Variants in DPY19L2 observed in about 807,000 individuals in gnomAD.
DPY19L2 encodes the protein probable C-mannosyltransferase DPY19L2.
DPY19L2 carries 34 observed loss-of-function variants against 97.9 expected under a neutral mutation model. The observed-to-expected ratio is 0.35, with a 90% CI of 0.26 to 0.46. The LOEUF is 0.46. Among genes scored for constraint, DPY19L2 ranks in the 20% least tolerant of loss-of-function variants. The probability of loss-of-function intolerance (pLI) is 1.00; values close to 1 mark genes in which losing one functional copy is unlikely to be tolerated. For missense variants in DPY19L2, 623 were observed against 911.4 expected (o/e 0.68, Z 4.07); for synonymous variants, 230 against 307.9 (o/e 0.75, Z 2.65).
At chr12:63,633,911 T>C (rs1240191350) in intron 6 of DPY19L2, among the ~76,000 whole-genome samples, 2 of 152,072 alleles carry the variant, frequency 1.3e-5, no homozygotes, top group Non-Finnish European at 2.9e-5. Context: ...ACATCCTTTG[T>C]AGGGACATGG....
intron 6 of DPY19L2, among the ~76,000 whole-genome samples, chr12:63,636,345 G>A (rs1210253107): frequency 2.6e-5 from 4 of 152,098 alleles, no homozygotes; most frequent in African/African-American, 9.7e-5. Flanking sequence ...AAAGACCATC[G>A]ATGCTAGGAA....
At chr12:63,590,920 T>C (rs1163270419) in intron 16 of DPY19L2, 1 of 365,156 alleles carries the variant, frequency 2.7e-6, no homozygotes, top group Non-Finnish European at 5.6e-6. Context: ...TGAGTAATTA[T>C]CTTCCATCCA....
At chr12:63,633,517 C>A (rs1177105997) in intron 6 of DPY19L2, among the ~76,000 whole-genome samples, 3 of 152,124 alleles carry the variant, frequency 2.0e-5, no homozygotes, top group Non-Finnish European at 4.4e-5. Flanking sequence ...CAATGAGATA[C>A]CATCTCACAC....
chr12:63,656,735 T>C lies in DPY19L2; in HGVS notation c.588+4609A>G, dbSNP rs573991302. Among the ~76,000 whole-genome samples the C allele has an allele frequency of 3.7e-4, 57 of 152,276 alleles. 1 individual carries two copies. The highest frequency in any genetic ancestry group is 1.3e-3 in the African/African-American group (55 of 41,552). On this transcript the variant is annotated intron_variant, in intron 4 of 21. Transcript: ENST00000324472. ...GCTCTTAGATGTTCTATCATTTCCTTCCTCCACTTTTTTTTCTCTTTGCAT... is the reference window on the plus strand; with the variant it reads ...GCTCTTAGATGTTCTATCATTTCCTCCCTCCACTTTTTTTTCTCTTTGCAT...
intron 12 of DPY19L2, among the ~76,000 whole-genome samples, chr12:63,604,988 C>G (rs1885796170): frequency 6.6e-6 from 1 of 152,100 alleles, no homozygotes; most frequent in South Asian, 2.1e-4. Context: ...CAGACAGTCA[C>G]TTTGTTTTTA....
intron 6 of DPY19L2, among the ~76,000 whole-genome samples, chr12:63,640,421 AG>A (rs1426686993): frequency 6.6e-6 from 1 of 152,190 alleles, no homozygotes; most frequent in Non-Finnish European, 1.5e-5. Flanking sequence ...GATTGGAAGA[AG>A]GGGAAAGATA....
At chr12:63,638,144 G>A (rs1289449927) in intron 6 of DPY19L2, among the ~76,000 whole-genome samples, 5 of 152,046 alleles carry the variant, frequency 3.3e-5, no homozygotes, top group Admixed American at 2.6e-4. Context: ...AAAGGCCTTC[G>A]ACAAAATTCC....
intron 12 of DPY19L2, among the ~76,000 whole-genome samples, chr12:63,602,816 A>C (rs1459009059): frequency 4.6e-5 from 7 of 152,166 alleles, no homozygotes; most frequent in Non-Finnish European, 1.0e-4. Flanking sequence ...TCAAGTATAG[A>C]CGTTATTTAA....
intron 19 of DPY19L2, among the ~76,000 whole-genome samples, chr12:63,573,517 A>G (rs1879272896): frequency 6.6e-6 from 1 of 152,236 alleles, no homozygotes; most frequent in Non-Finnish European, 1.5e-5. Context: ...AGACAGCAGT[A>G]GGAAGTTTAT....
At chr12:63,562,854 G>A (rs11536199) in intron 21 of DPY19L2, among the ~76,000 whole-genome samples, 6,316 of 148,434 alleles carry the variant, frequency 0.043, 244 homozygotes, top group East Asian at 0.14. Context: ...GGAGTGCAAC[G>A]GCACAATCTT....
chr12:63,614,050 C>T (rs946626418), intron 11 of DPY19L2, among the ~76,000 whole-genome samples: 4 of 151,556 alleles, frequency 2.6e-5, no homozygotes, highest in South Asian at 2.1e-4. Context: ...ATTAGCTGGA[C>T]GTGGTGGCAG....
intron 6 of DPY19L2, among the ~76,000 whole-genome samples, chr12:63,640,133 T>C (rs573023091): frequency 2.6e-5 from 4 of 152,158 alleles, no homozygotes; most frequent in Admixed American, 6.5e-5. Flanking sequence ...TTCTCACTCA[T>C]AGGTGGGAAT....
At chr12:63,618,538 A>G (rs571651986) in intron 9 of DPY19L2, among the ~76,000 whole-genome samples, 18 of 152,232 alleles carry the variant, frequency 1.2e-4, no homozygotes, top group Middle Eastern at 3.4e-3. Context: ...GTATCTGCCA[A>G]TTTCAACAGA....
At chr12:63,608,495 T>C (rs938041577) in intron 12 of DPY19L2, 121 bp downstream of exon 12, 1 of 935,126 alleles carries the variant, frequency 1.1e-6, no homozygotes, top group Non-Finnish European at 1.6e-6. Context: ...TAACTATTTT[T>C]AAGACAGTAG....
chr12:63,602,268 CA>C (rs961871490), intron 12 of DPY19L2, among the ~76,000 whole-genome samples: 2 of 150,546 alleles, frequency 1.3e-5, no homozygotes, highest in African/African-American at 4.9e-5. Flanking sequence ...AGAATACTAT[CA>C]AAAAAAATAA....
At chr12:63,591,847 G>A (rs557132902) in intron 16 of DPY19L2, among the ~76,000 whole-genome samples, 1 of 151,202 alleles carries the variant, frequency 6.6e-6, no homozygotes, top group African/African-American at 2.4e-5. Context: ...GCAGAGCTGA[G>A]ATGAGATGAT....
At chr12:63,622,727 AC>A (rs1379586349) in intron 8 of DPY19L2, among the ~76,000 whole-genome samples, 1 of 152,086 alleles carries the variant, frequency 6.6e-6, no homozygotes, top group Non-Finnish European at 1.5e-5. Flanking sequence ...GGAGTTCGAG[AC>A]TAGCCTGGCC....
chr12:63,623,930 C>T (rs538166253), intron 8 of DPY19L2, 110 bp downstream of exon 8: 1 of 770,986 alleles, frequency 1.3e-6, no homozygotes, highest in Non-Finnish European at 2.2e-6. Context: ...TCTCGAACTC[C>T]TGACCTCAAG....
intron 4 of DPY19L2, among the ~76,000 whole-genome samples, chr12:63,658,342 A>T (rs1480191052): frequency 6.6e-6 from 1 of 152,030 alleles, no homozygotes. Context: ...TAAAAATATA[A>T]AAATTAGCCA....
Sources: gnomAD v4.1 joint callset for allele counts (sites outside exome capture counted in the v4.1 genomes callset) on GRCh38, gnomAD v4.1.1 for gene constraint, MANE v1.5 for transcripts, NCBI Gene and HGNC (gene_info 2026-07-23, HGNC 2026-07-21) for gene names.